The following AKAP19 variants were observed in gnomAD, a reference collection of about 807,000 sequenced individuals.
The protein encoded by AKAP19 is small A-kinase anchoring protein.
At chr2:189,935,032 C>T in the AKAP19 span, among the ~76,000 whole-genome samples, 1 of 152,024 alleles carries the variant, frequency 6.6e-6, no homozygotes, top group East Asian at 1.9e-4. Context: ...CTGAAAATTT[C>T]TGATCTTTGA....
the AKAP19 span, among the ~76,000 whole-genome samples, chr2:189,998,356 G>A: frequency 6.6e-6 from 1 of 152,204 alleles, no homozygotes; most frequent in Middle Eastern, 3.4e-3. Context: ...TTCACCGTCT[G>A]ATAGATTTAA....
chr2:190,093,727 A>G, the AKAP19 span, among the ~76,000 whole-genome samples: 3 of 152,172 alleles, frequency 2.0e-5, no homozygotes, highest in Admixed American at 2.0e-4. Context: ...TTTTGGGAAT[A>G]TGACTTCTGC....
the AKAP19 span, among the ~76,000 whole-genome samples, chr2:189,955,968 G>GT: frequency 1.3e-5 from 2 of 151,852 alleles, no homozygotes; most frequent in Non-Finnish European, 1.5e-5. Flanking sequence ...TTTTTTCTGG[G>GT]TTTTTTTGCC....
chr2:190,099,120 G>T, the AKAP19 span, among the ~76,000 whole-genome samples: 1 of 152,194 alleles, frequency 6.6e-6, no homozygotes, highest in Non-Finnish European at 1.5e-5. Flanking sequence ...ATTCAATGGA[G>T]TAGCATGTTT....
chr2:190,101,112 A>G, the AKAP19 span, among the ~76,000 whole-genome samples: 7 of 152,360 alleles, frequency 4.6e-5, no homozygotes, highest in South Asian at 6.2e-4. Context: ...ATCTAGGCAC[A>G]TGCAAAGTCA....
chr2:190,161,667 C>T, the AKAP19 span, among the ~76,000 whole-genome samples: 13 of 152,220 alleles, frequency 8.5e-5, no homozygotes, highest in African/African-American at 2.9e-4. Flanking sequence ...CTGTTACAGA[C>T]GCTTATGCAG....
the AKAP19 span, among the ~76,000 whole-genome samples, chr2:190,109,170 A>C: frequency 6.6e-6 from 1 of 152,234 alleles, no homozygotes; most frequent in Admixed American, 6.5e-5. Context: ...AACTCTAGGC[A>C]ATCAAGAGTT....
At chr2:190,185,673 G>A in the AKAP19 span, among the ~76,000 whole-genome samples, 1 of 152,160 alleles carries the variant, frequency 6.6e-6, no homozygotes, top group Non-Finnish European at 1.5e-5. Context: ...TCTACCTGGA[G>A]GACCTGGTAA....
the AKAP19 span, among the ~76,000 whole-genome samples, chr2:189,938,177 T>C: frequency 6.6e-6 from 1 of 151,172 alleles, no homozygotes; most frequent in African/African-American, 2.4e-5. Context: ...TCTACTAAAG[T>C]ACAAAAAAAT....
chr2:190,083,804 G>A, the AKAP19 span, among the ~76,000 whole-genome samples: 2 of 152,144 alleles, frequency 1.3e-5, no homozygotes, highest in Non-Finnish European at 2.9e-5. Context: ...TTACTCCCAT[G>A]CCTCTTTGGG....
At chr2:190,071,360 T>C in the AKAP19 span, among the ~76,000 whole-genome samples, 1 of 152,218 alleles carries the variant, frequency 6.6e-6, no homozygotes, top group African/African-American at 2.4e-5. Flanking sequence ...TTTTATCTTT[T>C]ATACCATATT....
the AKAP19 span, among the ~76,000 whole-genome samples, chr2:190,179,859 T>C: frequency 5.9e-5 from 9 of 152,328 alleles, no homozygotes; most frequent in East Asian, 1.7e-3. This position sits in a 1 kb window ranked among gnomAD's most constrained non-coding sequence, Gnocchi z 6.0. Flanking sequence ...ACTAATCCGT[T>C]GTAGAACACA....
the AKAP19 span, among the ~76,000 whole-genome samples, chr2:190,102,946 G>A: frequency 4.6e-5 from 7 of 152,022 alleles, no homozygotes; most frequent in South Asian, 2.1e-4. Context: ...AATCCTTAAC[G>A]AAATGCTAGC....
the AKAP19 span, among the ~76,000 whole-genome samples, chr2:190,038,970 CTTT>C: frequency 3.1e-5 from 3 of 98,348 alleles, no homozygotes; most frequent in African/African-American, 1.1e-4. Flanking sequence ...TCTTCTTCTT[CTTT>C]CTTCTTCTTC....
the AKAP19 span, chr2:189,879,790 G>C: frequency 6.6e-6 from 1 of 152,298 alleles, no homozygotes; most frequent in Non-Finnish European, 1.5e-5. Context: ...TTTAGGCTGG[G>C]TTGCCAGAGC....
the AKAP19 span, among the ~76,000 whole-genome samples, chr2:189,916,329 C>CTTTTTTTTT: frequency 9.4e-6 from 1 of 106,564 alleles, no homozygotes; most frequent in African/African-American, 3.2e-5. Flanking sequence ...TCTTTTTCTT[C>CTTTTTTTTT]TTTTTTTTTT....
At chr2:190,088,352 G>T in the AKAP19 span, among the ~76,000 whole-genome samples, 1 of 152,072 alleles carries the variant, frequency 6.6e-6, no homozygotes, top group Non-Finnish European at 1.5e-5. Flanking sequence ...CTGAGTAGAG[G>T]GTAAGAATCA....
At chr2:190,188,274 A>G in the AKAP19 span, among the ~76,000 whole-genome samples, 1 of 152,228 alleles carries the variant, frequency 6.6e-6, no homozygotes, top group Non-Finnish European at 1.5e-5. Context: ...GGATGCTCTG[A>G]TAGTTCTTTT....
the AKAP19 span, among the ~76,000 whole-genome samples, chr2:190,038,901 T>TTCTTC: frequency 0.073 from 3,323 of 45,734 alleles, 410 homozygotes; most frequent in East Asian, 0.1. Flanking sequence ...TCTTTCTTTC[T>TTCTTC]TTCTTCTTCT....
Sources: gnomAD v4.1 joint callset for allele counts (sites outside exome capture counted in the v4.1 genomes callset) on GRCh38, gnomAD v4.1.1 for gene constraint, Gnocchi (gnomAD v3.1) non-coding constraint, MANE v1.5 for transcripts, NCBI Gene and HGNC (gene_info 2026-07-23, HGNC 2026-07-21) for gene names.